CCDC171: variants seen among roughly 807,000 people sequenced by gnomAD.
CCDC171 encodes the protein coiled-coil domain containing 171, also known as coiled-coil domain-containing protein 171.
In CCDC171, 177 loss-of-function variants were observed where a neutral mutation model predicts 168.2. The ratio of observed to expected loss-of-function variants is 1.05; its 90% CI spans 0.93 to 1.19. The LOEUF (loss-of-function observed/expected upper bound fraction) is 1.19, where lower values mean the gene tolerates loss of function less well. Ranked by LOEUF, CCDC171 falls within the 50% of genes most tolerant of loss-of-function variation. The probability of loss-of-function intolerance (pLI) is 0.00; values close to 1 mark genes in which losing one functional copy is unlikely to be tolerated. For missense variants in CCDC171, 1,991 were observed against 1,539.0 expected (o/e 1.29, Z -4.91); for synonymous variants, 687 against 540.8 (o/e 1.27, Z -3.75).
At chr9:15,636,886 A>C (rs1400326192) in intron 7 of CCDC171, among the ~76,000 whole-genome samples, 1 of 151,928 alleles carries the variant, frequency 6.6e-6, no homozygotes, top group African/African-American at 2.4e-5. Context: ...ATTGTGTTAT[A>C]GTTGTGAGGC....
At chr9:16,067,459 T>A in the CCDC171 span, among the ~76,000 whole-genome samples, 3 of 152,194 alleles carry the variant, frequency 2.0e-5, no homozygotes, top group Admixed American at 2.0e-4. Context: ...AGAAGCTCTT[T>A]AGTTTAATTA....
chr9:15,846,758 C>T lies in CCDC171; in HGVS notation c.3324C>T (p.Leu1108=), dbSNP rs767132628. 6.2e-7 allele frequency: 1 copy of T among 1,612,856 alleles called. No homozygotes were observed. Among genetic ancestry groups the T allele is most frequent in the Non-Finnish European group, 8.5e-7 (1 of 1,179,410 alleles). Reference sequence around the variant, plus strand: ...GAAAAGATCAATCTCTGCGTCAGCTCAATAGACATCTTACCCAGCTGGAGC... The same window carrying T: ...GAAAAGATCAATCTCTGCGTCAGCTTAATAGACATCTTACCCAGCTGGAGC... The part of the protein sequence containing the change: ...LRRKDQSLRQ[L]NRHLTQLEQD... Residue 1108 remains leucine, a synonymous_variant, in exon 22 of 26, where the codon CTC becomes CTT. Transcript: ENST00000380701.
intron 1 of CCDC171, among the ~76,000 whole-genome samples, chr9:16,044,402 C>A (rs1833621444): frequency 6.6e-6 from 1 of 151,116 alleles, no homozygotes; most frequent in Non-Finnish European, 1.5e-5. Context: ...GGTTTTTTTT[C>A]TTTTTACATC....
intron 21 of CCDC171, among the ~76,000 whole-genome samples, chr9:15,813,460 T>G (rs1224361898): frequency 6.6e-6 from 1 of 152,180 alleles, no homozygotes; most frequent in African/African-American, 2.4e-5. Context: ...TTTTGTTTGT[T>G]TTTTGGCTAT....
chr9:15,907,026 A>G (rs1454655215), intron 24 of CCDC171, among the ~76,000 whole-genome samples: 1 of 152,190 alleles, frequency 6.6e-6, no homozygotes, highest in Admixed American at 6.5e-5. Context: ...CAAATGGAAG[A>G]ACATTCCATG....
chr9:16,017,347 T>C (rs1833051857), intron 3 of CCDC171, among the ~76,000 whole-genome samples: 1 of 152,156 alleles, frequency 6.6e-6, no homozygotes, highest in African/African-American at 2.4e-5. Flanking sequence ...TAGAATCATG[T>C]AAACATGCCT....
intron 6 of CCDC171, among the ~76,000 whole-genome samples, chr9:15,621,891 C>G (rs553956296): frequency 6.6e-6 from 1 of 152,278 alleles, no homozygotes; most frequent in South Asian, 2.1e-4. Context: ...AAATGCTTAT[C>G]AGTGTTAGAC....
rs1017034921 is a variant in CCDC171 at position 16,054,960 on chromosome 9, C to T, written n.90-5686C>T. Among the ~76,000 whole-genome samples the T allele has an allele frequency of 1.6e-4, 24 of 152,250 alleles. 1 individual carries two copies. Among genetic ancestry groups the T allele is most frequent in the South Asian group, 1.0e-3 (5 of 4,824 alleles). On this transcript the variant is annotated intron_variant and non_coding_transcript_variant, in intron 1 of 1. Coordinates refer to the CCDC171 transcript ENST00000478913. ...TGAGAACTTAACGTGGAGACGAAGC[C>T]CCTCGGGGCAAGGGTGGATGCAGAG...
chr9:15,861,551 A>T (rs1377150967), intron 23 of CCDC171, among the ~76,000 whole-genome samples: 2 of 151,552 alleles, frequency 1.3e-5, no homozygotes, highest in Non-Finnish European at 2.9e-5. Context: ...GTTTCCAGTT[A>T]CCCTGGGGCT....
intron 7 of CCDC171, among the ~76,000 whole-genome samples, chr9:15,635,486 G>A (rs558128951): frequency 6.6e-6 from 1 of 152,198 alleles, no homozygotes; most frequent in Non-Finnish European, 1.5e-5. Flanking sequence ...ATGAAGGCTG[G>A]AACACTCAGC....
intron 3 of CCDC171, among the ~76,000 whole-genome samples, chr9:15,979,089 A>G (rs1052128876): frequency 3.3e-5 from 5 of 152,216 alleles, no homozygotes; most frequent in Non-Finnish European, 5.9e-5. Flanking sequence ...CAAGTGGAAT[A>G]ATATTCCACT....
Position 15,846,903 on chromosome 9 carries a change from C to CTT in CCDC171, c.3413+58_3413+59dup. 2.0e-6 allele frequency: 3 copies of CTT among 1,479,120 alleles called. No homozygotes were observed. In the African/African-American group the frequency reaches 4.2e-5, roughly 21 times the overall value. 91.6% of individuals were successfully genotyped at this position (1,479,120 alleles called of 1,614,324 possible). On this transcript the variant is annotated intron_variant, in intron 22 of 25. Transcript: ENST00000380701. ...AAAACAGACAAAAGATCAATTCTTA[C>CTT]TTTCATGCTCCGGGTTTTAGCCCTG...
At chr9:15,574,072 A>T (rs2040442212) in intron 3 of CCDC171, among the ~76,000 whole-genome samples, 1 of 152,126 alleles carries the variant, frequency 6.6e-6, no homozygotes, top group Non-Finnish European at 1.5e-5. Context: ...TAAAACAGGA[A>T]ATTATAATTG....
intron 1 of CCDC171, among the ~76,000 whole-genome samples, chr9:16,045,718 C>G (rs925517019): frequency 6.6e-6 from 1 of 152,174 alleles, no homozygotes; most frequent in African/African-American, 2.4e-5. Flanking sequence ...AACTGCCTGT[C>G]ACTCAGCAGA....
intron 6 of CCDC171, among the ~76,000 whole-genome samples, chr9:15,603,006 G>C (rs908458453): frequency 6.6e-6 from 1 of 151,856 alleles, no homozygotes; most frequent in East Asian, 1.9e-4. Context: ...TTTTGAGACG[G>C]AGTCTCACTC....
chr9:15,891,404 A>G (rs1820196792), intron 24 of CCDC171, among the ~76,000 whole-genome samples: 2 of 152,142 alleles, frequency 1.3e-5, no homozygotes, highest in South Asian at 2.1e-4. Flanking sequence ...GACAATTTTT[A>G]TATTGAACCC....
At chr9:16,076,615 C>A in the CCDC171 span, among the ~76,000 whole-genome samples, 1 of 152,236 alleles carries the variant, frequency 6.6e-6, no homozygotes, top group Non-Finnish European at 1.5e-5. Flanking sequence ...TCAGCCCTTC[C>A]CTCAGCACAT....
At chr9:15,612,412 T>G (rs1179378650) in intron 6 of CCDC171, among the ~76,000 whole-genome samples, 1 of 152,236 alleles carries the variant, frequency 6.6e-6, no homozygotes, top group Admixed American at 6.5e-5. Flanking sequence ...TTGTTTTTAT[T>G]TTTTACTTTC....
At chr9:15,729,393 T>C (rs1005186746) in intron 15 of CCDC171, among the ~76,000 whole-genome samples, 2 of 152,156 alleles carry the variant, frequency 1.3e-5, no homozygotes, top group South Asian at 2.1e-4. Flanking sequence ...AAATTTGCCA[T>C]CTAAATATAC....
Sources: gnomAD v4.1 joint callset for allele counts (sites outside exome capture counted in the v4.1 genomes callset) on GRCh38, gnomAD v4.1.1 for gene constraint, MANE v1.5 for transcripts, NCBI Gene and HGNC (gene_info 2026-07-23, HGNC 2026-07-21) for gene names.